Variants in CCDC57 observed in about 807,000 individuals in gnomAD.
CCDC57 encodes coiled-coil domain containing 57.
CCDC57 carries 118 observed loss-of-function variants against 118.9 expected under a neutral mutation model. The observed-to-expected ratio is 0.99, with a 90% CI of 0.86 to 1.16. The LOEUF is 1.16. Among genes scored for constraint, CCDC57 ranks in the 50% most tolerant of loss-of-function variants. The pLI is 0.00. For synonymous variants in CCDC57, 527 were observed against 532.9 expected, an observed-to-expected ratio of 0.99 and a Z score of 0.15; for missense variants, 1,300 against 1,320.7, an observed-to-expected ratio of 0.98 and a Z score of 0.24.
chr17:82,125,870 G>A (rs912931896), intron 19 of CCDC57, among the ~76,000 whole-genome samples: 1 of 152,128 alleles, frequency 6.6e-6, no homozygotes, highest in Non-Finnish European at 1.5e-5. Context: ...CGAACCGTCC[G>A]GATATAGCTC....
At chr17:82,162,148 C>T (rs892661647) in intron 14 of CCDC57, among the ~76,000 whole-genome samples, 2 of 151,966 alleles carry the variant, frequency 1.3e-5, no homozygotes, top group African/African-American at 4.8e-5. Context: ...TATGGGTACC[C>T]GCCACCACTC....
intron 7 of CCDC57, among the ~76,000 whole-genome samples, chr17:82,193,350 C>T (rs985569642): frequency 6.6e-6 from 1 of 152,100 alleles, no homozygotes; most frequent in South Asian, 2.1e-4. Flanking sequence ...AGTTCAAGAC[C>T]AGCCTGGCCA....
At chr17:82,146,881 ACAAACG>A (rs2040817104) in intron 16 of CCDC57, among the ~76,000 whole-genome samples, 1 of 152,190 alleles carries the variant, frequency 6.6e-6, no homozygotes, top group Non-Finnish European at 1.5e-5. Flanking sequence ...AGTCTCGCAA[ACAAACG>A]TGTGTGCACA....
At chr17:82,181,640 A>C (rs2046222724) in intron 9 of CCDC57, among the ~76,000 whole-genome samples, 1 of 152,258 alleles carries the variant, frequency 6.6e-6, no homozygotes, top group African/African-American at 2.4e-5. Context: ...AAATAAAGAT[A>C]TGATGGAATT....
At chr17:82,164,715 C>A (rs1452055024) in intron 13 of CCDC57, among the ~76,000 whole-genome samples, 1 of 151,848 alleles carries the variant, frequency 6.6e-6, no homozygotes, top group Non-Finnish European at 1.5e-5. Context: ...AATATAACAT[C>A]AAAAATGTAC....
At chr17:82,121,646 A>G (rs565072346) in intron 19 of CCDC57, among the ~76,000 whole-genome samples, 1 of 152,180 alleles carries the variant, frequency 6.6e-6, no homozygotes, top group Non-Finnish European at 1.5e-5. Flanking sequence ...AGGAGAAAAG[A>G]GAATCCCAGA....
At chr17:82,136,700 C>T (rs34069968) in intron 16 of CCDC57, among the ~76,000 whole-genome samples, 37,024 of 151,656 alleles carry the variant, frequency 0.24, 5,286 homozygotes, top group Non-Finnish European at 0.33. Context: ...TGGGCTCAAG[C>T]GATCCTCCCA....
At chr17:82,201,719 C>T (rs1227991802) in exon 3 of CCDC57, 11 of 1,613,900 alleles carry the variant, frequency 6.8e-6, no homozygotes, top group African/African-American at 1.3e-5. Flanking sequence ...GCGAAGGCGG[C>T]GTCATAGCGC....
At chr17:82,208,454 A>G (rs564033582) in intron 1 of CCDC57, among the ~76,000 whole-genome samples, 1 of 149,634 alleles carries the variant, frequency 6.7e-6, no homozygotes, top group Non-Finnish European at 1.5e-5. Context: ...ATGGGGTTTC[A>G]CCATCTTGGC....
chr17:82,102,199 G>T (rs1027644082), intron 19 of CCDC57, among the ~76,000 whole-genome samples: 4 of 152,236 alleles, frequency 2.6e-5, no homozygotes, highest in African/African-American at 9.6e-5. Flanking sequence ...GTGTGGTAAT[G>T]GGTCCCAGGA....
chr17:82,122,211 T>A (rs2036804317), intron 19 of CCDC57, among the ~76,000 whole-genome samples: 1 of 152,230 alleles, frequency 6.6e-6, no homozygotes, highest in African/African-American at 2.4e-5. Flanking sequence ...GCCTGGATGC[T>A]GAGCATGTAA....
intron 7 of CCDC57, among the ~76,000 whole-genome samples, chr17:82,191,867 T>G (rs911695420): frequency 2.0e-5 from 3 of 152,108 alleles, no homozygotes; most frequent in Non-Finnish European, 4.4e-5. Flanking sequence ...GGGGTTTTGC[T>G]ATGTTGCCTA....
chr17:82,185,923 A>G (rs1218296610), intron 8 of CCDC57, among the ~76,000 whole-genome samples: 1 of 152,204 alleles, frequency 6.6e-6, no homozygotes, highest in Non-Finnish European at 1.5e-5. Context: ...TTTTAGTTAA[A>G]AAATTATTTT....
At position 82,192,984 on chromosome 17, in the gene CCDC57, C is replaced by A. The variant is rs1463689360; in HGVS notation, c.851+772G>T. Among the ~76,000 whole-genome samples, 1 of 152,138 alleles carries A rather than the reference C, an allele frequency of 6.6e-6. No homozygotes were observed. Among genetic ancestry groups the A allele is most frequent in the Admixed American group, 6.5e-5 (1 of 15,284 alleles). ...AATTCCTGACCTCAAGTGATCCACC[C>A]ACCTCGGCCTCCCAACATTCTGGGA... On this transcript the variant is annotated intron_variant, in intron 7 of 19. Coordinates refer to ENST00000665763, the Ensembl canonical transcript of CCDC57. This position sits in a 1 kb window ranked among gnomAD's most constrained non-coding sequence, Gnocchi z 4.0.
chr17:82,188,476 G>A, intron 7 of CCDC57, 57 bp from the exon 7 acceptor site: 5 of 1,538,300 alleles, frequency 3.3e-6, no homozygotes, highest in Non-Finnish European at 4.4e-6. Flanking sequence ...CCAGGCCCCA[G>A]ACCCTCTTTG....
intron 14 of CCDC57, among the ~76,000 whole-genome samples, chr17:82,162,895 G>A (rs1048507928): frequency 2.0e-4 from 30 of 151,432 alleles, no homozygotes; most frequent in African/African-American, 7.3e-4. Context: ...CCGCACACAC[G>A]CCCCACTGAC....
At chr17:82,158,122 C>T (rs1318243272) in intron 14 of CCDC57, among the ~76,000 whole-genome samples, 174 bp from the exon 14 acceptor site, 1 of 152,200 alleles carries the variant, frequency 6.6e-6, no homozygotes, top group Non-Finnish European at 1.5e-5. Context: ...CAACCACGGC[C>T]ACTGCTCCTC....
rs768254878 is a variant in CCDC57 at position 82,174,358 on chromosome 17, A to T, written c.1507-1498T>A. Among the ~76,000 whole-genome samples the T allele has an allele frequency of 2.6e-4, 40 of 152,242 alleles. 1 individual carries two copies. Among genetic ancestry groups the T allele is most frequent in the Non-Finnish European group, 5.0e-4 (34 of 68,044 alleles). On this transcript the variant is annotated intron_variant, in intron 11 of 19. Transcript: ENST00000665763. ...GCAGTTTAGAAACGGAGACAGTGCG[A>T]TGCCTAACCCTGTTTTTACTCTAAC...
rs763396137 is a variant in CCDC57 at position 82,101,786 on chromosome 17, C to T, written c.2980G>A (p.Ala994Thr). Residue 994 changes from alanine to threonine, a missense_variant, in exon 20 of 20, where the codon GCC becomes ACC. Transcript: ENST00000665763. ...CCTGTGGTCTTGGCCTTTGCCTGGG[C>T]TGCTGTCTTCATCCCTGGGGTGGCA... 6 of 1,608,430 alleles carry T rather than the reference C, an allele frequency of 3.7e-6. No homozygotes were observed. In the South Asian group the frequency reaches 5.5e-5, roughly 15 times the overall value.
Sources: allele counts gnomAD v4.1 joint callset (sites outside exome capture counted in the v4.1 genomes callset), GRCh38; gene constraint gnomAD v4.1.1; non-coding constraint Gnocchi (gnomAD v3.1); transcripts MANE v1.5; gene names NCBI Gene and HGNC (gene_info 2026-07-23, HGNC 2026-07-21).